The following SNX10 variants were observed in gnomAD, a reference collection of about 807,000 sequenced individuals.
SNX10 encodes the protein sorting nexin 10.
SNX10 carries 25 observed loss-of-function variants against 28.5 expected under a neutral mutation model. That is an observed-to-expected ratio of 0.88 (90% CI 0.64 to 1.22). The LOEUF (loss-of-function observed/expected upper bound fraction) is 1.22. Among genes scored for constraint, SNX10 ranks in the 50% most tolerant of loss-of-function variants. SNX10 has a pLI of 0.00. For synonymous variants in SNX10, 62 were observed against 81.4 expected (o/e 0.76, Z 1.28); for missense variants, 223 against 242.6 (o/e 0.92, Z 0.54).
intron 1 of SNX10, among the ~76,000 whole-genome samples, chr7:26,305,512 G>C (rs1461525721): frequency 6.6e-6 from 1 of 152,210 alleles, no homozygotes; most frequent in East Asian, 1.9e-4. Flanking sequence ...TCTGGATTAG[G>C]GGGCAGGCAG....
At chr7:26,295,895 T>G (rs1196916937) in intron 1 of SNX10, among the ~76,000 whole-genome samples, 1 of 152,234 alleles carries the variant, frequency 6.6e-6, no homozygotes, top group African/African-American at 2.4e-5. Context: ...CATGCATTGG[T>G]TGAGGCACAG....
In SNX10 at chr7:26,325,859, C is replaced by T. The variant is rs540287641; in HGVS notation, c.-23-20561C>T. Among the ~76,000 whole-genome samples the T allele has an allele frequency of 2.0e-3, 299 of 151,902 alleles. 2 individuals are homozygous for T. The Middle Eastern group carries it at 0.031, about 16-fold the overall frequency. ...TCTCCTGCCTCAGCCTCCCGAGTAG[C>T]TGATACTACAGGTGTTCACCACCAC... On this transcript the variant is annotated intron_variant, in intron 1 of 6. Transcript: ENST00000338523.
At chr7:26,304,950 C>A (rs1208992415) in intron 1 of SNX10, among the ~76,000 whole-genome samples, 2 of 152,172 alleles carry the variant, frequency 1.3e-5, no homozygotes, top group East Asian at 3.8e-4. Context: ...CCAGGGAAAT[C>A]CAAAGCCCTG....
intron 1 of SNX10, among the ~76,000 whole-genome samples, chr7:26,336,372 TA>T (rs35209815): frequency 0.047 from 6,648 of 140,354 alleles, 170 homozygotes; most frequent in East Asian, 0.11. Context: ...AGTAAATATG[TA>T]AAAAAAAAAA....
At chr7:26,342,028 C>CTTT (rs35337348) in intron 1 of SNX10, among the ~76,000 whole-genome samples, 3,708 of 111,604 alleles carry the variant, frequency 0.033, 185 homozygotes, top group African/African-American at 0.1. Context: ...TTTCTTCTTT[C>CTTT]TTTTTTTTTT....
chr7:26,294,704 T>C (rs1050554988), intron 1 of SNX10, among the ~76,000 whole-genome samples: 2 of 152,254 alleles, frequency 1.3e-5, no homozygotes, highest in Non-Finnish European at 2.9e-5. Flanking sequence ...ATTTCTGTTA[T>C]AAGCTAATAG....
chr7:26,339,611 C>T (rs1788101643), intron 1 of SNX10, among the ~76,000 whole-genome samples: 1 of 146,356 alleles, frequency 6.8e-6, no homozygotes, highest in Non-Finnish European at 1.5e-5. Context: ...CTCACTGTAA[C>T]CTCTGCCTCC....
chr7:26,302,880 C>T (rs1044605500), intron 1 of SNX10, among the ~76,000 whole-genome samples: 4 of 152,062 alleles, frequency 2.6e-5, no homozygotes, highest in Non-Finnish European at 5.9e-5. Flanking sequence ...GGGAGGGCGA[C>T]GGAGGTTGCA....
chr7:26,329,574 T>C lies in SNX10; in HGVS notation c.-23-16846T>C, dbSNP rs1787644518. On this transcript the variant is annotated intron_variant, in intron 1 of 6. Transcript: ENST00000338523. ...AAGTGATGAGTCTGCTGGGATCTTC[T>C]CTCCTGAACCCTGGATTCCCACTCA... Among the ~76,000 whole-genome samples the C allele has an allele frequency of 2.6e-5, 4 of 152,378 alleles. No homozygotes were observed. In the South Asian group the frequency reaches 8.3e-4, roughly 32 times the overall value.
intron 1 of SNX10, among the ~76,000 whole-genome samples, chr7:26,307,715 C>T (rs1227994972): frequency 1.3e-5 from 2 of 150,278 alleles, no homozygotes; most frequent in Non-Finnish European, 3.0e-5. Flanking sequence ...TTTTTTAGAG[C>T]AGTTTTAGAT....
chr7:26,318,737 C>G (rs1169380721), intron 1 of SNX10, among the ~76,000 whole-genome samples: 1 of 152,194 alleles, frequency 6.6e-6, no homozygotes, highest in African/African-American at 2.4e-5. Context: ...TCCCAAATTG[C>G]TGGGATTACA....
chr7:26,293,382 T>A (rs1003463926), intron 1 of SNX10, among the ~76,000 whole-genome samples: 10 of 152,066 alleles, frequency 6.6e-5, no homozygotes, highest in Middle Eastern at 3.4e-3. Flanking sequence ...TCGGTATTTT[T>A]TTTGTAGAGA....
In SNX10 at chr7:26,296,215, G is replaced by A. The variant is rs140727643; in HGVS notation, c.-24+4129G>A. On this transcript the variant is annotated intron_variant, in intron 1 of 6. Coordinates refer to ENST00000338523, the MANE Select transcript of SNX10 (RefSeq NM_013322.3). The stretch of plus-strand genomic sequence containing the variant: ...TGCATAGTATGTGGCTCACTGGGAA[G>A]TAAGCCATCTCCTGGCTGAAGGGTG... Among the ~76,000 whole-genome samples, 46 of 152,296 alleles carry A rather than the reference G, an allele frequency of 3.0e-4. No individual in the cohort carries two copies. In the East Asian group the frequency reaches 8.1e-3, roughly 27 times the overall value.
intron 2 of SNX10, among the ~76,000 whole-genome samples, chr7:26,350,061 G>C (rs1483223643): frequency 6.6e-6 from 1 of 152,188 alleles, no homozygotes; most frequent in Non-Finnish European, 1.5e-5. Context: ...AACCCCTTTT[G>C]AATGTATGTG....
chr7:26,320,907 A>G (rs567180760), intron 1 of SNX10, among the ~76,000 whole-genome samples: 4 of 152,260 alleles, frequency 2.6e-5, no homozygotes, highest in Admixed American at 1.3e-4. Context: ...CCATGACTAC[A>G]TCCTGCTTTA....
At chr7:26,321,216 C>T (rs1047719762) in intron 1 of SNX10, among the ~76,000 whole-genome samples, 12 of 152,098 alleles carry the variant, frequency 7.9e-5, no homozygotes, top group Admixed American at 2.6e-4. Flanking sequence ...GCTCACAGCC[C>T]GGTGTGTAGG....
rs138793219 is a variant in SNX10, at chr7:26,298,845, G to C, written c.-24+6759G>C. Among the ~76,000 whole-genome samples the C allele has an allele frequency of 8.8e-3, 1,347 of 152,268 alleles. 10 individuals carry two copies. The highest frequency in any genetic ancestry group is 0.014 in the Middle Eastern group (4 of 294). On this transcript the variant is annotated intron_variant, in intron 1 of 6. Coordinates refer to ENST00000338523, the MANE Select transcript of SNX10 (RefSeq NM_013322.3). ...CTTCGTGCTGCGTCCTCACATGGTG[G>C]AAAAAGAGAGAAAGAGAACAAGCTC...
chr7:26,358,950 C>T (rs1371401424), intron 2 of SNX10, among the ~76,000 whole-genome samples: 1 of 151,316 alleles, frequency 6.6e-6, no homozygotes, highest in Non-Finnish European at 1.5e-5. Context: ...AGATTACAGG[C>T]GCCCAACACC....
chr7:26,325,306 AATATAT>A (rs149785859), intron 1 of SNX10, among the ~76,000 whole-genome samples: 12,729 of 51,486 alleles, frequency 0.25, 2,410 homozygotes, highest in Admixed American at 0.48. Flanking sequence ...AAGTTTGCAA[AATATAT>A]ATATATATAT....
Sources: allele counts gnomAD v4.1 joint callset (sites outside exome capture counted in the v4.1 genomes callset), GRCh38; gene constraint gnomAD v4.1.1; transcripts MANE v1.5; gene names NCBI Gene and HGNC (gene_info 2026-07-23, HGNC 2026-07-21).